The following DGKB variants were observed in gnomAD, a reference collection of about 807,000 sequenced individuals.
DGKB encodes the protein 90 kDa diacylglycerol kinase.
In DGKB, 67 loss-of-function variants were observed where a neutral mutation model predicts 114.3. That is an observed-to-expected ratio of 0.59 (90% CI 0.48 to 0.72). DGKB has a LOEUF of 0.72. Ranked by LOEUF, DGKB falls within the 30% of genes least tolerant of loss-of-function variation. DGKB has a pLI of 0.00. For missense variants in DGKB, 907 were observed against 975.2 expected (o/e 0.93, Z 0.93); for synonymous variants, 398 against 323.1 (o/e 1.23, Z -2.49).
At chr7:14,608,825 A>G (rs556478460) in intron 16 of DGKB, among the ~76,000 whole-genome samples, 1 of 152,078 alleles carries the variant, frequency 6.6e-6, no homozygotes, top group African/African-American at 2.4e-5. Flanking sequence ...CAAGAGTCAC[A>G]CACAAAAAAT....
upstream of DGKB, among the ~76,000 whole-genome samples, chr7:14,905,436 TAC>T (rs1258231743): frequency 6.6e-6 from 1 of 152,058 alleles, no homozygotes; most frequent in East Asian, 1.9e-4. Flanking sequence ...ATCACTCCCT[TAC>T]AACACTGTGC....
At chr7:14,636,997 A>T (rs567435086) in intron 13 of DGKB, among the ~76,000 whole-genome samples, 1 of 152,078 alleles carries the variant, frequency 6.6e-6, no homozygotes, top group South Asian at 2.1e-4. Context: ...TATAAAACAC[A>T]TTTAAAAATA....
chr7:14,806,365 T>A (rs2128064786), intron 2 of DGKB, among the ~76,000 whole-genome samples: 1 of 152,206 alleles, frequency 6.6e-6, no homozygotes, highest in Non-Finnish European at 1.5e-5. Flanking sequence ...ACAATAAAAT[T>A]GGTAAAAATA....
upstream of DGKB, chr7:14,902,932 C>T (rs1315205860): frequency 6.6e-6 from 1 of 152,174 alleles, no homozygotes; most frequent in East Asian, 1.9e-4. Context: ...GGCTGAAAGA[C>T]GTAGGTTTCC....
chr7:14,667,700 G>C (rs900438465), intron 13 of DGKB, among the ~76,000 whole-genome samples: 2 of 152,104 alleles, frequency 1.3e-5, no homozygotes, highest in African/African-American at 4.8e-5. Context: ...AGACTGAAAA[G>C]GCTCAGAGCC....
chr7:14,723,369 A>G (rs1238327722), intron 5 of DGKB, among the ~76,000 whole-genome samples: 1 of 148,850 alleles, frequency 6.7e-6, no homozygotes, highest in Admixed American at 6.8e-5. Flanking sequence ...TACAACTAAA[A>G]TGAAACATAA....
chr7:14,839,328 G>C (rs1847585805), intron 2 of DGKB, among the ~76,000 whole-genome samples: 2 of 151,508 alleles, frequency 1.3e-5, no homozygotes, highest in African/African-American at 4.8e-5. Context: ...AACCAATTTA[G>C]AAAGTATTGA....
chr7:14,849,281 T>C (rs1458967642), intron 1 of DGKB, among the ~76,000 whole-genome samples: 2 of 151,806 alleles, frequency 1.3e-5, no homozygotes, highest in Non-Finnish European at 2.9e-5. Flanking sequence ...GAGGGTCATC[T>C]GATAGGAGTA....
intron 21 of DGKB, among the ~76,000 whole-genome samples, chr7:14,356,352 C>CTTTTTTTTTTTTTTTT (rs997102742): frequency 3.9e-5 from 3 of 77,222 alleles, no homozygotes; most frequent in African/African-American, 5.2e-5. Context: ...TTCTCTAGTT[C>CTTTTTTTTTTTTTTTT]TTTTTTTTTT....
intron 5 of DGKB, among the ~76,000 whole-genome samples, chr7:14,735,157 C>T (rs1366561963): frequency 6.6e-6 from 1 of 152,168 alleles, no homozygotes; most frequent in Non-Finnish European, 1.5e-5. Flanking sequence ...GGACAGGCCA[C>T]GGTGATGCAC....
intron 17 of DGKB, among the ~76,000 whole-genome samples, chr7:14,590,909 G>A (rs186741296): frequency 7.2e-4 from 110 of 151,990 alleles, no homozygotes; most frequent in Admixed American, 1.6e-3. Flanking sequence ...CACCTCCTCC[G>A]CCTGCACTGT....
At chr7:14,338,249 A>G (rs1371750344) in intron 23 of DGKB, among the ~76,000 whole-genome samples, 1 of 152,184 alleles carries the variant, frequency 6.6e-6, no homozygotes, top group East Asian at 1.9e-4. Flanking sequence ...CTTCTATTTT[A>G]TTATCCATGA....
At chr7:14,609,927 T>C (rs1039516168) in intron 16 of DGKB, among the ~76,000 whole-genome samples, 1 of 152,120 alleles carries the variant, frequency 6.6e-6, no homozygotes, top group African/African-American at 2.4e-5. Flanking sequence ...TTGTTGTGAA[T>C]GTAAATTAGT....
chr7:14,655,553 G>A (rs929718120), intron 13 of DGKB, among the ~76,000 whole-genome samples: 1 of 151,548 alleles, frequency 6.6e-6, no homozygotes, highest in African/African-American at 2.4e-5. Flanking sequence ...CAAAGGAAAG[G>A]AAACTTGTGT....
intron 21 of DGKB, among the ~76,000 whole-genome samples, chr7:14,452,599 G>C (rs1012281564): frequency 1.3e-5 from 2 of 151,994 alleles, no homozygotes; most frequent in Non-Finnish European, 2.9e-5. Context: ...AGAGTCACCT[G>C]AATGTGAATT....
intron 21 of DGKB, 71 bp downstream of exon 21, chr7:14,478,090 A>G (rs2128905099): frequency 2.0e-6 from 2 of 992,456 alleles, no homozygotes; most frequent in South Asian, 1.4e-5. Context: ...AATATTCTGT[A>G]CCATCTAGTG....
intron 20 of DGKB, among the ~76,000 whole-genome samples, chr7:14,523,828 T>C (rs1790185753): frequency 6.6e-6 from 1 of 152,194 alleles, no homozygotes; most frequent in Non-Finnish European, 1.5e-5. Context: ...GAATCCTAAC[T>C]CTATTACTTA....
intron 21 of DGKB, among the ~76,000 whole-genome samples, chr7:14,436,539 A>G (rs909164986): frequency 1.3e-5 from 2 of 152,042 alleles, no homozygotes; most frequent in South Asian, 2.1e-4. Context: ...ACAAGTTGCT[A>G]TAGTTGTGAC....
chr7:14,259,401 C>CTATATA (rs1417339427), intron 23 of DGKB, among the ~76,000 whole-genome samples: 1 of 102,704 alleles, frequency 9.7e-6, no homozygotes, highest in East Asian at 2.2e-4. Context: ...CTCTCTCTCT[C>CTATATA]TCTCTCTATA....
Sources: gnomAD v4.1 joint callset for allele counts (sites outside exome capture counted in the v4.1 genomes callset) on GRCh38, gnomAD v4.1.1 for gene constraint, MANE v1.5 for transcripts, NCBI Gene and HGNC (gene_info 2026-07-23, HGNC 2026-07-21) for gene names.